The following RCOR1 variants were observed in gnomAD, a reference collection of about 807,000 sequenced individuals.
RCOR1 encodes REST corepressor 1.
Under a neutral mutation model 64.0 loss-of-function variants are expected in RCOR1, and 12 were observed. The ratio of observed to expected loss-of-function variants is 0.19; its 90% confidence interval spans 0.12 to 0.30. The LOEUF (loss-of-function observed/expected upper bound fraction) is 0.30. Ranked by LOEUF, RCOR1 falls within the 10% of genes least tolerant of loss-of-function variation. The probability of loss-of-function intolerance (pLI) is 1.00; values close to 1 mark genes in which losing one functional copy is unlikely to be tolerated. For missense variants in RCOR1, 502 were observed against 621.2 expected (o/e 0.81, Z 2.04); for synonymous variants, 279 against 227.2 (o/e 1.23, Z -2.05).
intron 2 of RCOR1, among the ~76,000 whole-genome samples, chr14:102,680,314 C>A (rs1041856439): frequency 1.3e-5 from 2 of 152,062 alleles, no homozygotes; most frequent in Non-Finnish European, 2.9e-5. Context: ...GATAATCGTG[C>A]AGTTTTGATT....
At chr14:102,710,844 T>C (rs1353777557) in intron 6 of RCOR1, 91 bp from the exon 7 acceptor site, 1 of 833,196 alleles carries the variant, frequency 1.2e-6, no homozygotes, top group Admixed American at 2.5e-5. Flanking sequence ...TTGGTAAAAT[T>C]AGTACAAAAT....
intron 2 of RCOR1, among the ~76,000 whole-genome samples, chr14:102,611,833 T>C (rs1893640832): frequency 1.3e-5 from 2 of 152,168 alleles, no homozygotes; most frequent in Non-Finnish European, 2.9e-5. Flanking sequence ...CTTTTGGGTA[T>C]TTTATTTATA....
intron 2 of RCOR1, among the ~76,000 whole-genome samples, chr14:102,665,499 G>A (rs992338629): frequency 1.3e-5 from 2 of 152,096 alleles, no homozygotes; most frequent in Non-Finnish European, 2.9e-5. Context: ...GACTAACACT[G>A]TTGTAAGCTG....
chr14:102,699,254 C>T (rs1895707048), intron 3 of RCOR1, among the ~76,000 whole-genome samples: 1 of 152,226 alleles, frequency 6.6e-6, no homozygotes, highest in Non-Finnish European at 1.5e-5. Flanking sequence ...TTGTCATTTG[C>T]TGACCTTCAA....
chr14:102,675,750 C>G (rs998402279), intron 2 of RCOR1, among the ~76,000 whole-genome samples: 1 of 152,206 alleles, frequency 6.6e-6, no homozygotes, highest in Non-Finnish European at 1.5e-5. Context: ...AGAGTTCCAG[C>G]TCCTCCAAAA....
rs1427457403 is a variant in RCOR1 at position 102,727,984 on chromosome 14, A to G, written c.*1478A>G. 1 of 152,526 alleles carries G rather than the reference A, an allele frequency of 6.6e-6. No homozygotes were observed. The highest frequency in any genetic ancestry group is 1.5e-5 in the Non-Finnish European group (1 of 68,030). The allele number at this position is 152,526 out of a possible 1,614,324, so 9.4% of individuals were successfully genotyped here. A position where few individuals can be genotyped will look rare whatever the true frequency, so the allele number is the denominator to read the frequency against. ...CATTTGGATTTTTTTCCTGCTTTCA[A>G]TACCAAAAAAATGCAGATGCTTTAA... is the stretch of plus-strand genomic sequence containing the variant. On this transcript the variant is annotated 3_prime_UTR_variant, in exon 12 of 12. Transcript: ENST00000262241.
intron 3 of RCOR1, among the ~76,000 whole-genome samples, chr14:102,693,372 T>C (rs1346667632): frequency 6.6e-6 from 1 of 151,432 alleles, no homozygotes; most frequent in Non-Finnish European, 1.5e-5. Context: ...AAAGATTTGT[T>C]AAATCAGTGG....
chr14:102,600,107 C>CT (rs1464714237), intron 2 of RCOR1, among the ~76,000 whole-genome samples: 1 of 151,844 alleles, frequency 6.6e-6, no homozygotes, highest in Non-Finnish European at 1.5e-5. Context: ...GAGACGGAGT[C>CT]TCGCTCTGTC....
chr14:102,659,406 A>T (rs996423448), intron 2 of RCOR1: 49 of 360,732 alleles, frequency 1.4e-4, no homozygotes, highest in South Asian at 5.6e-4. Flanking sequence ...AACAATAAAA[A>T]TTCATCTTAT....
At chr14:102,649,401 C>A (rs1894540138) in intron 2 of RCOR1, among the ~76,000 whole-genome samples, 1 of 152,118 alleles carries the variant, frequency 6.6e-6, no homozygotes, top group African/African-American at 2.4e-5. Flanking sequence ...ATTTTGGGTA[C>A]CAGCCCCTTT....
intron 2 of RCOR1, among the ~76,000 whole-genome samples, chr14:102,609,393 C>T (rs1401539702): frequency 6.6e-6 from 1 of 151,882 alleles, no homozygotes; most frequent in East Asian, 1.9e-4. Context: ...AGTAGCTTAA[C>T]CATTTTATAC....
At chr14:102,692,446 C>CACACACACAG (rs1467166990) in intron 3 of RCOR1, among the ~76,000 whole-genome samples, 3 of 144,282 alleles carry the variant, frequency 2.1e-5, no homozygotes, top group African/African-American at 8.7e-5. Flanking sequence ...AGTTAACACA[C>CACACACACAG]ACACACACAC....
At chr14:102,644,577 T>TC (rs1305834303) in intron 2 of RCOR1, among the ~76,000 whole-genome samples, 2 of 152,016 alleles carry the variant, frequency 1.3e-5, no homozygotes, top group African/African-American at 4.8e-5. Flanking sequence ...GGCATTAACT[T>TC]CAAGTTCAGC....
At chr14:102,645,865 C>A (rs986947972) in intron 2 of RCOR1, among the ~76,000 whole-genome samples, 4 of 152,134 alleles carry the variant, frequency 2.6e-5, no homozygotes, top group African/African-American at 9.7e-5. Flanking sequence ...TGGAGAGGGC[C>A]GAGCTGAGCC....
At chr14:102,676,719 C>T (rs1279886277) in intron 2 of RCOR1, among the ~76,000 whole-genome samples, 3 of 104,980 alleles carry the variant, frequency 2.9e-5, no homozygotes, top group African/African-American at 1.2e-4. Flanking sequence ...GGCGGCTGGC[C>T]GGGCGGGGGG....
intron 2 of RCOR1, among the ~76,000 whole-genome samples, chr14:102,595,007 G>A (rs1893213291): frequency 6.6e-6 from 1 of 152,062 alleles, no homozygotes; most frequent in Non-Finnish European, 1.5e-5. Context: ...TAAGGAAAAG[G>A]GCATATTTGT....
At chr14:102,599,893 T>C (rs12880186) in intron 2 of RCOR1, among the ~76,000 whole-genome samples, 1 of 149,628 alleles carries the variant, frequency 6.7e-6, no homozygotes, top group Non-Finnish European at 1.5e-5. Flanking sequence ...AACCTCTGCC[T>C]CCCAGACTCA....
intron 3 of RCOR1, among the ~76,000 whole-genome samples, chr14:102,695,224 TC>T: frequency 6.6e-6 from 1 of 152,350 alleles, no homozygotes; most frequent in East Asian, 1.9e-4. Context: ...TCCATCTGTT[TC>T]TTACCCCTGC....
At chr14:102,608,641 G>A (rs1372853348) in intron 2 of RCOR1, among the ~76,000 whole-genome samples, 2 of 151,954 alleles carry the variant, frequency 1.3e-5, no homozygotes, top group Non-Finnish European at 2.9e-5. Context: ...CACCATTTTG[G>A]CCAGGCTGGT....
Sources: gnomAD v4.1 joint callset for allele counts (sites outside exome capture counted in the v4.1 genomes callset) on GRCh38, gnomAD v4.1.1 for gene constraint, MANE v1.5 for transcripts, NCBI Gene and HGNC (gene_info 2026-07-23, HGNC 2026-07-21) for gene names.